The following MYLK3 variants were observed in gnomAD, a reference collection of about 807,000 sequenced individuals.
The protein encoded by MYLK3 is myosin light chain kinase 3.
MYLK3 carries 55 observed loss-of-function variants against 76.3 expected under a neutral mutation model. The observed-to-expected ratio is 0.72, with a 90% confidence interval of 0.58 to 0.90. The LOEUF (loss-of-function observed/expected upper bound fraction) is 0.90. Among genes scored for constraint, MYLK3 ranks in the 40% least tolerant of loss-of-function variants. The pLI is 0.00. For missense variants in MYLK3, 973 were observed against 1,053.6 expected (o/e 0.92, Z 1.06); for synonymous variants, 416 against 425.4 (o/e 0.98, Z 0.27).
chr16:46,753,304 C>T (rs1044790930), upstream of MYLK3, among the ~76,000 whole-genome samples: 13 of 152,174 alleles, frequency 8.5e-5, no homozygotes, highest in South Asian at 2.1e-4. Flanking sequence ...AAGGGCCTGA[C>T]CAGGCCCACC....
At chr16:46,748,564 G>A (rs552281726), upstream of MYLK3, among the ~76,000 whole-genome samples, 171 of 152,290 alleles carry the variant, frequency 1.1e-3, 1 homozygote, top group Non-Finnish European at 1.7e-3. This position sits in a 1 kb window ranked among gnomAD's most constrained non-coding sequence, Gnocchi z 4.3. Flanking sequence ...CTAATGGTTC[G>A]GAGGAAAGGA....
intron 1 of MYLK3, among the ~76,000 whole-genome samples, chr16:46,758,240 T>TAC (rs376393359): frequency 1.1e-5 from 1 of 90,114 alleles, no homozygotes; most frequent in Non-Finnish European, 2.4e-5. Context: ...CACACTGCCA[T>TAC]ACACACACAC....
At chr16:46,751,774 T>C (rs971496303), upstream of MYLK3, among the ~76,000 whole-genome samples, 42 of 152,238 alleles carry the variant, frequency 2.8e-4, no homozygotes, top group Admixed American at 5.2e-4. Context: ...TTGCAGGCAG[T>C]TCCTGGGGCC....
chr16:46,709,444 A>G (rs76262194), intron 12 of MYLK3, 95 bp downstream of exon 12: 3 of 752,016 alleles, frequency 4.0e-6, no homozygotes, highest in East Asian at 5.9e-5. Context: ...CAAAAAGAAG[A>G]AAAAAAAAAA....
intron 1 of MYLK3, among the ~76,000 whole-genome samples, chr16:46,756,641 G>A (rs189976613): frequency 1.3e-4 from 20 of 152,314 alleles, no homozygotes; most frequent in South Asian, 2.1e-4. Context: ...ATATGATGAC[G>A]ATTTTCCGAG....
chr16:46,707,648 C>A lies in MYLK3; in HGVS notation c.*56G>T. On this transcript the variant is annotated 3_prime_UTR_variant, in exon 13 of 13. Transcript: ENST00000394809. ...TATTTAAATGTTTGAGTCATCTCTT[C>A]ACTTCACCACTGGCCTCAGTAATTT... 1 of 1,198,158 alleles carries A rather than the reference C, an allele frequency of 8.3e-7. No homozygotes were observed. 74.2% of individuals were successfully genotyped at this position (1,198,158 alleles called of 1,614,324 possible).
intron 1 of MYLK3, among the ~76,000 whole-genome samples, chr16:46,745,363 GA>G (rs1967004482): frequency 6.6e-6 from 1 of 152,138 alleles, no homozygotes; most frequent in Non-Finnish European, 1.5e-5. Flanking sequence ...TATTCATAAC[GA>G]TATGAACATC....
At position 46,748,210 on chromosome 16, in the gene MYLK3, C is replaced by G. The variant is rs555154447; in HGVS notation, c.-17G>C. The stretch of plus-strand genomic sequence containing the variant: ...TCCTGACATGCTGGTGCAGGCTTGA[C>G]AAGGGCAAGAGCGGGGAATGAGGAG... On this transcript the variant is annotated 5_prime_UTR_variant, in exon 1 of 13. Transcript: ENST00000394809. The surrounding 1 kb of genome is among the most constrained non-coding windows in gnomAD (Gnocchi z 4.3). 2 of 1,605,622 alleles carry G rather than the reference C, an allele frequency of 1.2e-6. No homozygotes were observed. The highest frequency in any genetic ancestry group is 2.2e-5 in the South Asian group (2 of 89,878).
At chr16:46,750,478 G>A (rs894701136), upstream of MYLK3, among the ~76,000 whole-genome samples, 6 of 151,798 alleles carry the variant, frequency 4.0e-5, no homozygotes, top group South Asian at 2.1e-4. Flanking sequence ...AATGGATCAC[G>A]AGGTCAAGAG....
At chr16:46,717,594 C>A (rs1034859410) in intron 9 of MYLK3, among the ~76,000 whole-genome samples, 18 of 151,958 alleles carry the variant, frequency 1.2e-4, no homozygotes, top group Admixed American at 1.0e-3. Flanking sequence ...CACAGGGCGC[C>A]CCCCCCACCT....
intron 12 of MYLK3, 48 bp downstream of exon 12, chr16:46,709,491 C>A: frequency 6.4e-7 from 1 of 1,557,694 alleles, no homozygotes; most frequent in Non-Finnish European, 8.7e-7. Context: ...TTTCCAAGGA[C>A]AGATTAGGAT....
chr16:46,729,683 G>A lies in MYLK3; in HGVS notation c.1573C>T (p.Arg525Trp), dbSNP rs143794902. 5.6e-6 allele frequency: 9 copies of A among 1,613,314 alleles called. No individual in the cohort carries two copies. Among genetic ancestry groups the A allele is most frequent in the Admixed American group, 1.7e-5 (1 of 59,954 alleles). ...VCQHEVLGGG[R>W]FGQVHRCTEK... ...GTGCACCTGTGGACCTGGCCAAACC[G>A]ACCCCTGCAGAGACATAGCCACACG... Residue 525 changes from arginine (R) to tryptophan (W), a missense_variant, in exon 6 of 13, where the codon CGG becomes TGG. Arg to Trp is a moderately radical substitution (Grantham distance 101, BLOSUM62 -3). This residue lies in a region of MYLK3 where 332 missense variants were observed against 416.6 expected (regional missense o/e 0.80). Transcript: ENST00000394809.
At position 46,732,368 on chromosome 16, in the gene MYLK3, G is replaced by T. The variant is rs202183804; in HGVS notation, c.1302C>A (p.Asp434Glu). 2 of 1,613,548 alleles carry T rather than the reference G, an allele frequency of 1.2e-6. No individual in the cohort carries two copies. The highest frequency in any genetic ancestry group is 2.2e-5 in the South Asian group (2 of 91,080). ...PGTRPSLARS[D>E]DNDHEVGALG... is the part of the protein sequence containing the mutation. ...GGGCCCCAACCTCGTGGTCATTGTC[G>T]TCACTCCTGGCCAAGCTTGGTCTCG... The change falls in exon 4 of 13, where the codon GAC (aspartate) becomes GAA (glutamate). Residue 434 changes from aspartate (D) to glutamate (E), a missense_variant. Asp to Glu is a conservative substitution (Grantham distance 45). This residue lies in a region of MYLK3 where 641 missense variants were observed against 637.0 expected (regional missense o/e 1.01). Transcript: ENST00000394809.
At position 46,730,759 on chromosome 16, in the gene MYLK3, C is replaced by G. The variant is rs940039368; in HGVS notation, c.1463-61G>C. Reference sequence around the variant, plus strand: ...CTGTGCAGCCCACACCTCTCGGTCACCTGTGCCAGACCCACTTAGCTTCTC... The same window carrying G: ...CTGTGCAGCCCACACCTCTCGGTCAGCTGTGCCAGACCCACTTAGCTTCTC... On this transcript the variant is annotated intron_variant, in intron 4 of 12. Transcript: ENST00000394809. The G allele has an allele frequency of 1.0e-5, 15 of 1,480,456 alleles. No individual in the cohort carries two copies. In the African/African-American group the frequency reaches 1.4e-4, roughly 14 times the overall value. 91.7% of individuals were successfully genotyped at this position (1,480,456 alleles called of 1,614,324 possible).
At chr16:46,733,899 C>T (rs773094829) in intron 3 of MYLK3, among the ~76,000 whole-genome samples, 40 of 152,298 alleles carry the variant, frequency 2.6e-4, no homozygotes, top group Admixed American at 2.3e-3. Flanking sequence ...TCTTCAGGGA[C>T]GGTGATACCT....
intron 1 of MYLK3, 145 bp from the exon 2 acceptor site, chr16:46,740,292 T>G (rs940384242): frequency 1.6e-6 from 1 of 629,396 alleles, no homozygotes; most frequent in South Asian, 2.0e-5. Flanking sequence ...GGAGAGTAGA[T>G]ACTGCAATTA....
rs971510839 is a variant in MYLK3 at position 46,705,742 on chromosome 16, C to T, written c.*1962G>A. On this transcript the variant is annotated 3_prime_UTR_variant, in exon 13 of 13. Transcript: ENST00000394809. ...GGGTGTGGTGGCTCACACCTATAAT[C>T]CCAGCACTTTGGGAGGCTGGGGCAG... is the stretch of plus-strand genomic sequence containing the variant. 1 of 152,246 alleles carries T rather than the reference C, an allele frequency of 6.6e-6. No individual in the cohort carries two copies. Among genetic ancestry groups the T allele is most frequent in the African/African-American group, 2.4e-5 (1 of 41,532 alleles). The allele number at this position is 152,246 out of a possible 1,614,324, so 9.4% of individuals were successfully genotyped here. A position where few individuals can be genotyped will look rare whatever the true frequency, so the allele number is the denominator to read the frequency against.
chr16:46,734,816 A>G (rs1966860839), intron 3 of MYLK3, among the ~76,000 whole-genome samples: 1 of 152,134 alleles, frequency 6.6e-6, no homozygotes, highest in Non-Finnish European at 1.5e-5. Context: ...CAACGTGAAT[A>G]TACTTAACAC....
chr16:46,743,262 C>T (rs146433699), intron 1 of MYLK3, among the ~76,000 whole-genome samples: 1 of 152,312 alleles, frequency 6.6e-6, no homozygotes, highest in East Asian at 1.9e-4. Context: ...TTCAAAAAGT[C>T]CTGGCACAAT....
Sources: gnomAD v4.1 joint callset for allele counts (sites outside exome capture counted in the v4.1 genomes callset) on GRCh38, gnomAD v4.1.1 for gene constraint, gnomAD v4.1.1 regional missense constraint, Gnocchi (gnomAD v3.1) non-coding constraint, MANE v1.5 for transcripts, NCBI Gene and HGNC (gene_info 2026-07-23, HGNC 2026-07-21) for gene names.